ADK: variants seen among roughly 807,000 people sequenced by gnomAD.
The protein encoded by ADK is adenosine kinase, also known as N6,N6-dimethyladenosine kinase.
In ADK, 24 loss-of-function variants were observed where a neutral mutation model predicts 44.7. The ratio of observed to expected loss-of-function variants is 0.54; its 90% CI spans 0.39 to 0.76. The LOEUF (loss-of-function observed/expected upper bound fraction) is 0.76. ADK is among the 30% of genes least tolerant of loss of function. The pLI is 0.00. For missense variants in ADK, 321 were observed against 425.1 expected (o/e 0.76, Z 2.15); for synonymous variants, 128 against 142.6 (o/e 0.90, Z 0.73).
chr10:74,171,800 C>G (rs1241059843), intron 1 of ADK, among the ~76,000 whole-genome samples: 3 of 142,046 alleles, frequency 2.1e-5, no homozygotes, highest in African/African-American at 8.5e-5. Flanking sequence ...TTCTGTCTCT[C>G]TCTGTCTCTC....
chr10:74,612,320 T>C (rs562495130), intron 9 of ADK, among the ~76,000 whole-genome samples: 2 of 152,138 alleles, frequency 1.3e-5, no homozygotes, highest in Admixed American at 6.6e-5. Context: ...TGTCTTGCTA[T>C]GTTGCTCAGG....
At chr10:74,249,272 C>T (rs1166216384) in intron 3 of ADK, among the ~76,000 whole-genome samples, 1 of 152,074 alleles carries the variant, frequency 6.6e-6, no homozygotes, top group Non-Finnish European at 1.5e-5. Flanking sequence ...AGTGTTCTTA[C>T]TATTAGTTTT....
chr10:74,266,966 C>A (rs139993908), intron 3 of ADK, among the ~76,000 whole-genome samples: 1 of 151,916 alleles, frequency 6.6e-6, no homozygotes, highest in African/African-American at 2.4e-5. Flanking sequence ...TGGATTAAAC[C>A]GTGGAAAGAA....
intron 3 of ADK, among the ~76,000 whole-genome samples, chr10:74,306,688 A>G (rs1311877159): frequency 6.6e-6 from 1 of 152,134 alleles, no homozygotes; most frequent in Non-Finnish European, 1.5e-5. Flanking sequence ...AATAAAAATT[A>G]AGGGTTAAGC....
At chr10:74,413,189 A>G (rs1193367958) in intron 6 of ADK, among the ~76,000 whole-genome samples, 1 of 152,206 alleles carries the variant, frequency 6.6e-6, no homozygotes, top group Non-Finnish European at 1.5e-5. Flanking sequence ...TTAGAATGGT[A>G]AATGAGCATT....
At chr10:74,254,031 T>C (rs1037335081) in intron 3 of ADK, among the ~76,000 whole-genome samples, 1 of 152,086 alleles carries the variant, frequency 6.6e-6, no homozygotes, top group Non-Finnish European at 1.5e-5. Context: ...CCTCCCAAAG[T>C]GCTGGGATTA....
chr10:74,316,757 T>C (rs1185559692), intron 4 of ADK, among the ~76,000 whole-genome samples: 1 of 152,172 alleles, frequency 6.6e-6, no homozygotes, highest in Non-Finnish European at 1.5e-5. Context: ...TAATAAATTG[T>C]CTCCTTTCTT....
At chr10:74,361,196 G>A (rs1338200590) in intron 4 of ADK, among the ~76,000 whole-genome samples, 1 of 152,162 alleles carries the variant, frequency 6.6e-6, no homozygotes, top group African/African-American at 2.4e-5. Context: ...GAGCCACTGC[G>A]CCCGGCCTAT....
chr10:74,555,350 T>G (rs1850200239), intron 7 of ADK, among the ~76,000 whole-genome samples: 1 of 151,280 alleles, frequency 6.6e-6, no homozygotes, highest in Non-Finnish European at 1.5e-5. Flanking sequence ...CTGTTTGTTG[T>G]TTTTTTTTAT....
intron 9 of ADK, among the ~76,000 whole-genome samples, chr10:74,626,055 T>C (rs2134043346): frequency 6.6e-6 from 1 of 152,326 alleles, no homozygotes; most frequent in South Asian, 2.1e-4. Context: ...GAAGATACTG[T>C]AGCTGATACT....
Position 74,418,234 on chromosome 10 carries a change from T to C in ADK, c.555+19655T>C, listed in dbSNP as rs377193339. On this transcript the variant is annotated intron_variant, in intron 6 of 10. Coordinates refer to ENST00000539909, the MANE Select transcript of ADK (RefSeq NM_006721.4). The stretch of plus-strand genomic sequence containing the variant: ...TTTGTATATTGTTACCTGCAAGTTA[T>C]TGATAATGGAAGGAACACCTTTTCA... Among the ~76,000 whole-genome samples, 173 of 152,328 alleles carry C rather than the reference T, an allele frequency of 1.1e-3. 4 individuals carry two copies. The South Asian group carries it at 0.035, about 30-fold the overall frequency.
At chr10:74,244,636 T>C (rs1345862323) in intron 3 of ADK, among the ~76,000 whole-genome samples, 3 of 152,230 alleles carry the variant, frequency 2.0e-5, no homozygotes, top group Admixed American at 2.0e-4. Context: ...TTTCAAGATT[T>C]CTTTATATTG....
intron 6 of ADK, among the ~76,000 whole-genome samples, chr10:74,461,136 C>A (rs1316063303): frequency 6.8e-6 from 1 of 147,746 alleles, no homozygotes; most frequent in Non-Finnish European, 1.5e-5. Context: ...CTTAAGAAAC[C>A]GGAAATAGAA....
intron 6 of ADK, among the ~76,000 whole-genome samples, chr10:74,412,867 G>T (rs1309012883): frequency 6.6e-6 from 1 of 152,124 alleles, no homozygotes; most frequent in Admixed American, 6.5e-5. Context: ...AGACCAGCCT[G>T]GTCGACATGG....
chr10:74,269,049 G>A (rs1846324065), intron 3 of ADK, among the ~76,000 whole-genome samples: 1 of 152,052 alleles, frequency 6.6e-6, no homozygotes, highest in Admixed American at 6.6e-5. Context: ...GTGCTTCATT[G>A]TTGTACACAA....
At chr10:74,204,023 C>G (rs1002236584) in intron 2 of ADK, among the ~76,000 whole-genome samples, 12 of 128,618 alleles carry the variant, frequency 9.3e-5, no homozygotes, top group African/African-American at 3.3e-4. Context: ...GTGGCATGAT[C>G]TCAGCTCACT....
chr10:74,356,349 T>C (rs1023386078), intron 4 of ADK, among the ~76,000 whole-genome samples: 4 of 152,156 alleles, frequency 2.6e-5, no homozygotes, highest in Non-Finnish European at 5.9e-5. Flanking sequence ...CTCAACCATA[T>C]CTTGATATTC....
chr10:74,621,012 T>C (rs1852975646), intron 9 of ADK, among the ~76,000 whole-genome samples: 1 of 152,190 alleles, frequency 6.6e-6, no homozygotes, highest in Non-Finnish European at 1.5e-5. Flanking sequence ...TTCTATTCCA[T>C]AGGTTATCTT....
At chr10:74,701,945 CAAATA>C (rs1379617949) in intron 10 of ADK, among the ~76,000 whole-genome samples, 1 of 151,870 alleles carries the variant, frequency 6.6e-6, no homozygotes, top group African/African-American at 2.4e-5. Flanking sequence ...CTCCACCACA[CAAATA>C]AAATAAAAAT....
Sources: gnomAD v4.1 joint callset for allele counts (sites outside exome capture counted in the v4.1 genomes callset) on GRCh38, gnomAD v4.1.1 for gene constraint, MANE v1.5 for transcripts, NCBI Gene and HGNC (gene_info 2026-07-23, HGNC 2026-07-21) for gene names.